CNTNAP2: variants seen among roughly 807,000 people sequenced by gnomAD.
The protein encoded by CNTNAP2 is contactin associated protein 2.
In CNTNAP2, 98 loss-of-function variants were observed where a neutral mutation model predicts 155.2. The ratio of observed to expected loss-of-function variants is 0.63; its 90% CI spans 0.54 to 0.75. CNTNAP2 has a LOEUF of 0.75. Ranked by LOEUF, CNTNAP2 falls within the 30% of genes least tolerant of loss-of-function variation. The pLI is 0.00. For missense variants in CNTNAP2, 1,727 were observed against 1,688.1 expected, an observed-to-expected ratio of 1.02 and a Z score of -0.40; for synonymous variants, 651 against 631.2, an observed-to-expected ratio of 1.03 and a Z score of -0.47.
At chr7:148,358,562 G>A (rs182421093) in intron 21 of CNTNAP2, among the ~76,000 whole-genome samples, 3 of 152,302 alleles carry the variant, frequency 2.0e-5, no homozygotes, top group East Asian at 3.9e-4. Flanking sequence ...GCTAGAGAGA[G>A]GTAGCACCTG....
At chr7:146,461,522 C>T (rs6943462) in intron 1 of CNTNAP2, among the ~76,000 whole-genome samples, 3 of 151,902 alleles carry the variant, frequency 2.0e-5, no homozygotes, top group Admixed American at 2.0e-4. Flanking sequence ...TATTGCTTTG[C>T]AAAAATCTTT....
intron 2 of CNTNAP2, among the ~76,000 whole-genome samples, chr7:146,799,172 T>C (rs190255894): frequency 2.0e-5 from 3 of 152,326 alleles, no homozygotes; most frequent in East Asian, 3.9e-4. Context: ...ATCAATTTCT[T>C]TGAGTTGCTT....
At chr7:146,829,737 T>A (rs1374167272) in intron 2 of CNTNAP2, among the ~76,000 whole-genome samples, 1 of 152,070 alleles carries the variant, frequency 6.6e-6, no homozygotes, top group African/African-American at 2.4e-5. Context: ...GAATTTAATT[T>A]ACTCTTTAAC....
chr7:146,945,262 T>A (rs1285770880), intron 3 of CNTNAP2, among the ~76,000 whole-genome samples: 7 of 152,218 alleles, frequency 4.6e-5, no homozygotes, highest in African/African-American at 1.7e-4. Flanking sequence ...CACTGCCATG[T>A]TTTATGTTCT....
chr7:146,994,707 T>C (rs1798274882), intron 3 of CNTNAP2, among the ~76,000 whole-genome samples: 1 of 152,160 alleles, frequency 6.6e-6, no homozygotes, highest in Non-Finnish European at 1.5e-5. Flanking sequence ...TCTGTGGTGA[T>C]TTAAAACTCT....
chr7:146,687,594 AT>A (rs5888219), intron 1 of CNTNAP2, among the ~76,000 whole-genome samples: 90,374 of 152,008 alleles, frequency 0.59, 30,841 homozygotes, highest in South Asian at 0.85. Context: ...GATTTGTGAT[AT>A]TTTTAGGCTT....
chr7:146,887,419 T>C (rs1001388734), intron 3 of CNTNAP2, among the ~76,000 whole-genome samples: 5 of 152,034 alleles, frequency 3.3e-5, no homozygotes, highest in African/African-American at 1.2e-4. Context: ...TCCTAGCACT[T>C]TGGGAGGCCG....
intron 8 of CNTNAP2, among the ~76,000 whole-genome samples, chr7:147,247,220 G>C (rs1308224690): frequency 6.6e-6 from 1 of 152,120 alleles, no homozygotes; most frequent in African/African-American, 2.4e-5. Context: ...TCTCCTCGGG[G>C]TTCTTAGTAA....
intron 12 of CNTNAP2, among the ~76,000 whole-genome samples, chr7:147,635,249 A>G (rs1391086255): frequency 2.0e-5 from 3 of 150,062 alleles, no homozygotes; most frequent in Non-Finnish European, 4.4e-5. Context: ...CGCCACTAGA[A>G]TGGAAGAATA....
intron 1 of CNTNAP2, among the ~76,000 whole-genome samples, chr7:146,453,989 G>A (rs946365733): frequency 6.6e-6 from 1 of 151,904 alleles, no homozygotes; most frequent in Non-Finnish European, 1.5e-5. Context: ...TTCCAAATTC[G>A]ATGAAAACTA....
intron 2 of CNTNAP2, among the ~76,000 whole-genome samples, chr7:146,803,354 A>G (rs1291052087): frequency 6.6e-6 from 1 of 152,224 alleles, no homozygotes; most frequent in Non-Finnish European, 1.5e-5. Context: ...ATAAAAATGC[A>G]AATTATGTAG....
chr7:146,955,772 G>C (rs892268376), intron 3 of CNTNAP2, among the ~76,000 whole-genome samples: 2 of 151,932 alleles, frequency 1.3e-5, no homozygotes, highest in African/African-American at 4.8e-5. Context: ...TGTCATTTTT[G>C]TTTGATTTTT....
intron 13 of CNTNAP2, among the ~76,000 whole-genome samples, chr7:147,756,067 A>G (rs932739702): frequency 1.3e-5 from 2 of 152,214 alleles, no homozygotes; most frequent in Non-Finnish European, 2.9e-5. Context: ...GTATGGTATT[A>G]CTTGGGACAA....
At chr7:146,195,644 A>G (rs1407861821) in intron 1 of CNTNAP2, among the ~76,000 whole-genome samples, 1 of 152,180 alleles carries the variant, frequency 6.6e-6, no homozygotes, top group African/African-American at 2.4e-5. Flanking sequence ...AAACTGCTAA[A>G]CTAAGAACAA....
At chr7:147,451,648 C>G (rs1489711752) in intron 10 of CNTNAP2, among the ~76,000 whole-genome samples, 1 of 151,798 alleles carries the variant, frequency 6.6e-6, no homozygotes, top group Non-Finnish European at 1.5e-5. Flanking sequence ...CTCTGCCCAT[C>G]ATAACTCCCA....
Position 148,217,589 on chromosome 7 carries a change from G to A in CNTNAP2, c.3247+65G>A, listed in dbSNP as rs2092952362. On this transcript the variant is annotated intron_variant, in intron 19 of 23. Transcript: ENST00000361727. ...GGGCAGACAGAATGTTCTAGCAAGAGTCTATAGATTGTTCTTGGTTTGTTA... is the reference window on the plus strand; with the variant it reads ...GGGCAGACAGAATGTTCTAGCAAGAATCTATAGATTGTTCTTGGTTTGTTA... The A allele has an allele frequency of 2.6e-6, 4 of 1,524,460 alleles. No individual in the cohort carries two copies. In the Admixed American group the frequency reaches 6.7e-5, roughly 25 times the overall value. The allele number at this position is 1,524,460 out of a possible 1,614,324, so 94.4% of individuals were successfully genotyped here.
chr7:147,674,259 T>C (rs185331226), intron 13 of CNTNAP2, among the ~76,000 whole-genome samples: 2 of 152,308 alleles, frequency 1.3e-5, no homozygotes, highest in African/African-American at 2.4e-5. Context: ...TATTCTTTAT[T>C]GAAAACATAT....
intron 18 of CNTNAP2, among the ~76,000 whole-genome samples, chr7:148,187,476 A>G (rs1795137768): frequency 6.6e-6 from 1 of 152,280 alleles, no homozygotes; most frequent in Non-Finnish European, 1.5e-5. Context: ...AAGGATGGCA[A>G]TTTCTCTGTT....
chr7:147,984,518 C>G (rs959322179), intron 15 of CNTNAP2, among the ~76,000 whole-genome samples: 9 of 151,896 alleles, frequency 5.9e-5, no homozygotes, highest in African/African-American at 2.2e-4. Context: ...TCTATTCAAT[C>G]AGAGCTGATG....
Sources: gnomAD v4.1 joint callset for allele counts (sites outside exome capture counted in the v4.1 genomes callset) on GRCh38, gnomAD v4.1.1 for gene constraint, MANE v1.5 for transcripts, NCBI Gene and HGNC (gene_info 2026-07-23, HGNC 2026-07-21) for gene names.